Variants in UTRN observed in about 807,000 individuals in gnomAD.
UTRN encodes utrophin.
In UTRN, 283 loss-of-function variants were observed where a neutral mutation model predicts 463.9. The observed-to-expected ratio is 0.61, with a 90% CI of 0.55 to 0.67. The LOEUF is 0.67. Among genes scored for constraint, UTRN ranks in the 30% least tolerant of loss-of-function variants. The probability of loss-of-function intolerance (pLI) is 0.00; values close to 1 mark genes in which losing one functional copy is unlikely to be tolerated. For synonymous variants in UTRN, 1,442 were observed against 1,431.5 expected, an observed-to-expected ratio of 1.01 and a Z score of -0.17; for missense variants, 3,922 against 4,084.3, an observed-to-expected ratio of 0.96 and a Z score of 1.08.
intron 50 of UTRN, among the ~76,000 whole-genome samples, chr6:144,565,414 G>A (rs371007483): frequency 4.6e-5 from 7 of 152,164 alleles, no homozygotes; most frequent in African/African-American, 1.4e-4. Flanking sequence ...CACATTGGAG[G>A]TTGAACATGT....
chr6:144,513,229 A>C (rs115028696), intron 35 of UTRN, among the ~76,000 whole-genome samples: 2,569 of 152,266 alleles, frequency 0.017, 64 homozygotes, highest in African/African-American at 0.059. Context: ...TATTTTCATC[A>C]TTTTAAAAAA....
At chr6:144,704,981 A>C (rs1784948029) in intron 53 of UTRN, among the ~76,000 whole-genome samples, 1 of 152,154 alleles carries the variant, frequency 6.6e-6, no homozygotes, top group South Asian at 2.1e-4. Context: ...AAAAAAACCC[A>C]AAAACATGAA....
intron 33 of UTRN, among the ~76,000 whole-genome samples, chr6:144,496,253 T>C (rs1214588682): frequency 2.0e-5 from 3 of 152,246 alleles, no homozygotes; most frequent in African/African-American, 7.2e-5. Context: ...TGAGGTAATA[T>C]TGAAGTTTCT....
chr6:144,579,696 CT>C (rs1801774807), intron 51 of UTRN, among the ~76,000 whole-genome samples: 1 of 151,966 alleles, frequency 6.6e-6, no homozygotes, highest in South Asian at 2.1e-4. Flanking sequence ...AGAAAGGGTG[CT>C]GATAAAAATA....
At chr6:144,360,125 CCTT>C (rs1243103199) in intron 2 of UTRN, among the ~76,000 whole-genome samples, 3 of 123,076 alleles carry the variant, frequency 2.4e-5, no homozygotes, top group Non-Finnish European at 4.9e-5. Flanking sequence ...TTCCTTCCTT[CCTT>C]CTTTTTTCCT....
At position 144,533,112 on chromosome 6, in the gene UTRN, C is replaced by T. The variant is rs1329827692; in HGVS notation, c.6085C>T (p.Gln2029Ter). 3 of 1,611,950 alleles carry T rather than the reference C, an allele frequency of 1.9e-6. No individual in the cohort carries two copies. The highest frequency in any genetic ancestry group is 1.3e-5 in the African/African-American group (1 of 74,868). ...ACTTGAGGTGGGCATCAGCAGCCACCAGCCCAGTTTTGCAGCACTAAACCG... is the reference window on the plus strand; with the variant it reads ...ACTTGAGGTGGGCATCAGCAGCCACTAGCCCAGTTTTGCAGCACTAAACCG... ...QELEVGISSH[Q>*]PSFAALNRTG... is the part of the protein sequence containing the mutation. Residue 2029 changes from glutamine to a stop codon, truncating the protein, a stop_gained, in exon 43 of 75, where the codon CAG (glutamine) becomes TAG (stop). Coordinates refer to ENST00000367545, the MANE Select transcript of UTRN (RefSeq NM_007124.3). LOFTEE classifies it high-confidence loss of function.
chr6:144,595,631 G>C (rs998294340), intron 51 of UTRN, among the ~76,000 whole-genome samples: 1 of 152,206 alleles, frequency 6.6e-6, no homozygotes, highest in African/African-American at 2.4e-5. Flanking sequence ...AATAGCCCCT[G>C]AGTCTGCAGC....
intron 41 of UTRN, among the ~76,000 whole-genome samples, chr6:144,527,093 C>A (rs1475033836): frequency 6.6e-6 from 1 of 152,118 alleles, no homozygotes; most frequent in Admixed American, 6.6e-5. Flanking sequence ...AGCCACCACA[C>A]CTGGCCAAGA....
chr6:144,463,748 C>G (rs2128562469), intron 23 of UTRN, among the ~76,000 whole-genome samples: 1 of 151,288 alleles, frequency 6.6e-6, no homozygotes, highest in Non-Finnish European at 1.5e-5. Flanking sequence ...CAATATTTTT[C>G]AACGAATGAA....
chr6:144,732,225 T>TATACAC (rs1788630787), intron 54 of UTRN, among the ~76,000 whole-genome samples: 1 of 45,974 alleles, frequency 2.2e-5, no homozygotes, highest in Non-Finnish European at 3.8e-5. Context: ...TATATATATA[T>TATACAC]ATATATATAT....
In UTRN at chr6:144,449,519, C is replaced by T. The variant is rs149301524; in HGVS notation, c.2072+750C>T. 1.8e-3 allele frequency among the ~76,000 whole-genome samples: 279 copies of T among 152,204 alleles called. 1 individual carries two copies. The highest frequency in any genetic ancestry group is 5.5e-3 in the African/African-American group (228 of 41,548). Reference sequence around the variant, plus strand: ...ACTGAGTCTCCAAGGTCATTGGAAACGTGCGATTTTTAGATGGCCGTCTCT... The same window carrying T: ...ACTGAGTCTCCAAGGTCATTGGAAATGTGCGATTTTTAGATGGCCGTCTCT... On this transcript the variant is annotated intron_variant, in intron 17 of 74. Coordinates refer to ENST00000367545, the MANE Select transcript of UTRN (RefSeq NM_007124.3).
At chr6:144,634,984 GT>G (rs1776951343) in intron 51 of UTRN, among the ~76,000 whole-genome samples, 1 of 152,122 alleles carries the variant, frequency 6.6e-6, no homozygotes, top group Admixed American at 6.5e-5. Context: ...GAACATTTAT[GT>G]GCAAGTTTTT....
At chr6:144,699,297 G>C (rs1484139358) in intron 52 of UTRN, among the ~76,000 whole-genome samples, 1 of 151,902 alleles carries the variant, frequency 6.6e-6, no homozygotes, top group Non-Finnish European at 1.5e-5. Flanking sequence ...AATTAACCGG[G>C]CATGGTGGCA....
intron 41 of UTRN, among the ~76,000 whole-genome samples, chr6:144,529,019 T>G (rs185055087): frequency 6.6e-6 from 1 of 152,144 alleles, no homozygotes; most frequent in African/African-American, 2.4e-5. Flanking sequence ...AGTGGAGTTA[T>G]GTTCCCAGGG....
intron 2 of UTRN, among the ~76,000 whole-genome samples, chr6:144,348,689 C>T (rs914593211): frequency 6.6e-5 from 10 of 152,124 alleles, no homozygotes; most frequent in Non-Finnish European, 1.3e-4. Flanking sequence ...AATCCCAGCA[C>T]TTTGGGAGGC....
intron 61 of UTRN, among the ~76,000 whole-genome samples, chr6:144,784,056 G>T (rs1252248727): frequency 6.6e-6 from 1 of 152,128 alleles, no homozygotes; most frequent in Non-Finnish European, 1.5e-5. Context: ...GTTGGTCAAA[G>T]GTGTTTTAAC....
At chr6:144,386,723 A>G (rs1229167424) in intron 2 of UTRN, among the ~76,000 whole-genome samples, 5 of 152,128 alleles carry the variant, frequency 3.3e-5, no homozygotes, top group South Asian at 4.1e-4. Flanking sequence ...CCTGCTTATT[A>G]TAAATATTTA....
chr6:144,700,243 G>A lies in UTRN; in HGVS notation c.7809G>A (p.Lys2603=). The change falls in exon 53 of 75, where the codon AAG becomes AAA. Residue 2603 remains lysine (K), a splice_region_variant and synonymous_variant. Coordinates refer to ENST00000367545, the MANE Select transcript of UTRN (RefSeq NM_007124.3). ...TACAGCTCCAGTATGACCATTGTAAGGTAAGTGGATAACCTATAGTGAGTC... is the reference window on the plus strand; with the variant it reads ...TACAGCTCCAGTATGACCATTGTAAAGTAAGTGGATAACCTATAGTGAGTC... ...PALQLQYDHC[K]ALRRELKEKE... is the part of the protein sequence containing the mutation. 1.2e-6 allele frequency: 2 copies of A among 1,611,102 alleles called. No individual in the cohort carries two copies. Among genetic ancestry groups the A allele is most frequent in the Non-Finnish European group, 1.7e-6 (2 of 1,178,156 alleles).
chr6:144,790,587 A>G lies in UTRN; in HGVS notation c.8920+1308A>G, dbSNP rs146751177. ...TTGTAGGATTAGGAGATAAGGTGCT[A>G]TGACGGAGTGAGAGCCTAGTTAGCC... On this transcript the variant is annotated intron_variant, in intron 62 of 74. Coordinates refer to ENST00000367545, the MANE Select transcript of UTRN (RefSeq NM_007124.3). Among the ~76,000 whole-genome samples, 285 of 152,350 alleles carry G rather than the reference A, an allele frequency of 1.9e-3. 1 individual carries two copies. The highest frequency in any genetic ancestry group is 0.014 in the Middle Eastern group (4 of 294).
Sources: gnomAD v4.1 joint callset for allele counts (sites outside exome capture counted in the v4.1 genomes callset) on GRCh38, gnomAD v4.1.1 for gene constraint, MANE v1.5 for transcripts, NCBI Gene and HGNC (gene_info 2026-07-23, HGNC 2026-07-21) for gene names.